Variants in CASD1 observed in about 807,000 individuals in gnomAD.
CASD1 encodes CAS1 domain sialic acid O acetyltransferase 1.
In CASD1, 41 loss-of-function variants were observed where a neutral mutation model predicts 100.0. The observed-to-expected ratio is 0.41, with a 90% CI of 0.32 to 0.53. The LOEUF is 0.53. Ranked by LOEUF, CASD1 falls within the 20% of genes least tolerant of loss-of-function variation. CASD1 has a pLI of 0.25. For synonymous variants in CASD1, 321 were observed against 315.6 expected, an observed-to-expected ratio of 1.02 and a Z score of -0.18; for missense variants, 774 against 948.7, an observed-to-expected ratio of 0.82 and a Z score of 2.42.
At chr7:94,623,306 A>C in the CASD1 span, 63 of 1,443,588 alleles carry the variant, frequency 4.4e-5, no homozygotes, top group Admixed American at 1.1e-3. Context: ...AGAAATGATC[A>C]ACATATTTTC....
At chr7:94,547,232 T>C (rs914762503) in intron 13 of CASD1, 57 bp downstream of exon 13, 1 of 1,281,402 alleles carries the variant, frequency 7.8e-7, no homozygotes, top group African/African-American at 1.5e-5. Flanking sequence ...AGTTCAAGTC[T>C]ATTAAAGCAT....
the CASD1 span, among the ~76,000 whole-genome samples, chr7:94,578,386 A>G: frequency 2.6e-5 from 4 of 152,148 alleles, no homozygotes; most frequent in African/African-American, 9.7e-5. Flanking sequence ...CGCCTCATCA[A>G]TATGTTCCAA....
the CASD1 span, among the ~76,000 whole-genome samples, chr7:94,596,729 T>C: frequency 6.6e-6 from 1 of 152,194 alleles, no homozygotes; most frequent in Non-Finnish European, 1.5e-5. Context: ...CTAAGTATAC[T>C]GAATTCATCA....
At chr7:94,562,640 T>C in the CASD1 span, among the ~76,000 whole-genome samples, 53 of 152,236 alleles carry the variant, frequency 3.5e-4, no homozygotes, top group African/African-American at 1.2e-3. Flanking sequence ...TTTTTTTCTT[T>C]GAGATTACCA....
chr7:94,531,638 T>C (rs1183007449), intron 5 of CASD1, among the ~76,000 whole-genome samples: 5 of 152,190 alleles, frequency 3.3e-5, no homozygotes, highest in Admixed American at 2.6e-4. Flanking sequence ...AATGGTCATA[T>C]ATCTAAAAGA....
At chr7:94,607,473 T>G in the CASD1 span, among the ~76,000 whole-genome samples, 1 of 152,142 alleles carries the variant, frequency 6.6e-6, no homozygotes, top group Non-Finnish European at 1.5e-5. Flanking sequence ...ACTGGGACTT[T>G]CCCCAGTTAT....
At chr7:94,584,264 G>A in the CASD1 span, among the ~76,000 whole-genome samples, 1 of 152,134 alleles carries the variant, frequency 6.6e-6, no homozygotes, top group Admixed American at 6.5e-5. Flanking sequence ...GCAACAGTTT[G>A]TTTACTCTGT....
intron 3 of CASD1, among the ~76,000 whole-genome samples, chr7:94,522,754 T>C (rs1031420411): frequency 6.6e-6 from 1 of 151,890 alleles, no homozygotes; most frequent in Admixed American, 6.6e-5. Flanking sequence ...ACCTCCCGGG[T>C]TCACGCCATT....
chr7:94,537,316 T>A (rs1269063785), intron 8 of CASD1, among the ~76,000 whole-genome samples, 156 bp from the exon 9 acceptor site: 1 of 152,202 alleles, frequency 6.6e-6, no homozygotes, highest in Non-Finnish European at 1.5e-5. Context: ...ACAGATGGAA[T>A]GAATACCATT....
chr7:94,626,435 G>C, the CASD1 span: 1 of 151,948 alleles, frequency 6.6e-6, no homozygotes, highest in Admixed American at 6.6e-5. Context: ...ACCTAGACTT[G>C]AGACCTGGCA....
chr7:94,515,473 A>C (rs1324685293), intron 1 of CASD1, among the ~76,000 whole-genome samples: 1 of 151,632 alleles, frequency 6.6e-6, no homozygotes, highest in Non-Finnish European at 1.5e-5. Flanking sequence ...CCATCAACTC[A>C]ACAACTGAGA....
the CASD1 span, among the ~76,000 whole-genome samples, chr7:94,614,107 C>CAAAAAAAAAAAAAAAAAA: frequency 1.1e-5 from 1 of 94,964 alleles, no homozygotes; most frequent in Non-Finnish European, 2.0e-5. Context: ...AAATTGAAAT[C>CAAAAAAAAAAAAAAAAAA]AAAAAAAAAA....
chr7:94,551,496 T>G lies in CASD1; in HGVS notation c.1956+18T>G. On this transcript the variant is annotated intron_variant, in intron 15 of 17. Transcript: ENST00000297273. ...CTTTCTTGGTAAGTTTTGAAAACTTTCCAAAATTCTAAATGGTATGGAATA... is the reference window on the plus strand; with the variant it reads ...CTTTCTTGGTAAGTTTTGAAAACTTGCCAAAATTCTAAATGGTATGGAATA... 1 of 1,306,038 alleles carries G rather than the reference T, an allele frequency of 7.7e-7. No individual in the cohort carries two copies. Among genetic ancestry groups the G allele is most frequent in the Non-Finnish European group, 1.0e-6 (1 of 979,670 alleles). The allele number at this position is 1,306,038 out of a possible 1,614,324, so 80.9% of individuals were successfully genotyped here.
At chr7:94,597,407 T>G in the CASD1 span, 1 of 152,168 alleles carries the variant, frequency 6.6e-6, no homozygotes, top group Admixed American at 6.5e-5. Context: ...TTATATTAAT[T>G]ATTATTTAAT....
At chr7:94,598,608 T>C in the CASD1 span, 1 of 654,196 alleles carries the variant, frequency 1.5e-6, no homozygotes, top group East Asian at 2.7e-5. Flanking sequence ...AAAGTAATTG[T>C]ATTGTATATT....
At chr7:94,586,958 G>C in the CASD1 span, 25 of 983,994 alleles carry the variant, frequency 2.5e-5, no homozygotes, top group Non-Finnish European at 3.0e-5. Context: ...AGGAGATACT[G>C]TACTTTAGTC....
Position 94,531,730 on chromosome 7 carries a change from CA to C in CASD1, c.460-1474del, listed in dbSNP as rs541020628. 5.1e-4 allele frequency among the ~76,000 whole-genome samples: 77 copies of C among 152,094 alleles called. 1 individual carries two copies. The South Asian group carries it at 0.015, about 30-fold the overall frequency. The stretch of plus-strand genomic sequence containing the variant: ...TATTACCTTTATAGTGAAAAAGTGT[CA>C]TTTTTTTACATTGGTCAATTTTTTG... On this transcript the variant is annotated intron_variant, in intron 5 of 17. Transcript: ENST00000297273.
chr7:94,584,589 T>C, the CASD1 span, among the ~76,000 whole-genome samples: 1 of 152,196 alleles, frequency 6.6e-6, no homozygotes, highest in African/African-American at 2.4e-5. Flanking sequence ...TTGTGACCTC[T>C]GGGCACCTAA....
At chr7:94,611,338 T>C in the CASD1 span, among the ~76,000 whole-genome samples, 1 of 152,198 alleles carries the variant, frequency 6.6e-6, no homozygotes, top group South Asian at 2.1e-4. Flanking sequence ...TGATTTATTC[T>C]ACAACATAGA....
Sources: allele counts gnomAD v4.1 joint callset (sites outside exome capture counted in the v4.1 genomes callset), GRCh38; gene constraint gnomAD v4.1.1; transcripts MANE v1.5; gene names NCBI Gene and HGNC (gene_info 2026-07-23, HGNC 2026-07-21).